The following SOX5 variants were observed in gnomAD, a reference collection of about 807,000 sequenced individuals.
SOX5 encodes transcription factor SOX-5.
In SOX5, 9 loss-of-function variants were observed where a neutral mutation model predicts 92.0. The observed-to-expected ratio is 0.10, with a 90% CI of 0.06 to 0.17. SOX5 has a LOEUF of 0.17. Ranked by LOEUF, SOX5 falls within the 10% of genes least tolerant of loss-of-function variation. The probability of loss-of-function intolerance (pLI) is 1.00; values close to 1 mark genes in which losing one functional copy is unlikely to be tolerated. For synonymous variants in SOX5, 344 were observed against 336.3 expected, an observed-to-expected ratio of 1.02 and a Z score of -0.25; for missense variants, 642 against 944.5, an observed-to-expected ratio of 0.68 and a Z score of 4.20.
At chr12:24,459,916 A>G (rs1943438600) in intron 1 of SOX5, among the ~76,000 whole-genome samples, 1 of 152,238 alleles carries the variant, frequency 6.6e-6, no homozygotes, top group Admixed American at 6.5e-5. Flanking sequence ...ACCTTACAAT[A>G]CTGTGGAGCT....
chr12:23,805,119 C>T (rs930560871), intron 3 of SOX5, among the ~76,000 whole-genome samples: 18 of 151,162 alleles, frequency 1.2e-4, no homozygotes, highest in African/African-American at 3.6e-4. Flanking sequence ...TCATTCATTA[C>T]ATCATAATTC....
intron 4 of SOX5, among the ~76,000 whole-genome samples, chr12:23,978,400 G>T (rs1281971250): frequency 6.6e-6 from 1 of 152,134 alleles, no homozygotes; most frequent in East Asian, 1.9e-4. Context: ...AAACTTTGGG[G>T]TTAATAATAG....
At chr12:24,469,481 C>A (rs1023034554) in intron 1 of SOX5, among the ~76,000 whole-genome samples, 6 of 152,176 alleles carry the variant, frequency 3.9e-5, no homozygotes, top group Non-Finnish European at 8.8e-5. Context: ...GGGTTTCTCT[C>A]CCTTTTGTAT....
intron 1 of SOX5, among the ~76,000 whole-genome samples, chr12:23,926,747 A>T (rs553115120): frequency 2.0e-5 from 3 of 152,208 alleles, no homozygotes; most frequent in Admixed American, 2.0e-4. Context: ...AACAAATAGT[A>T]TATGGCTAAG....
At chr12:23,890,043 G>A (rs1272221718) in intron 2 of SOX5, among the ~76,000 whole-genome samples, 2 of 152,150 alleles carry the variant, frequency 1.3e-5, no homozygotes, top group Non-Finnish European at 2.9e-5. Context: ...ATATTGGCTA[G>A]GCATGGTGGC....
chr12:23,689,499 T>A (rs2088331542), intron 6 of SOX5, among the ~76,000 whole-genome samples: 1 of 152,300 alleles, frequency 6.6e-6, no homozygotes, highest in Admixed American at 6.5e-5. Flanking sequence ...GCTTCTTCAA[T>A]TTACTTAAGT....
At chr12:24,399,547 AT>A (rs1454428866) in intron 1 of SOX5, among the ~76,000 whole-genome samples, 1 of 152,226 alleles carries the variant, frequency 6.6e-6, no homozygotes, top group African/African-American at 2.4e-5. Context: ...AAGCACAAAG[AT>A]CTTTCCATGT....
chr12:24,224,755 T>C (rs1961478605), intron 3 of SOX5, among the ~76,000 whole-genome samples: 1 of 152,198 alleles, frequency 6.6e-6, no homozygotes. Flanking sequence ...GGAACTGATG[T>C]TTCTACTTCA....
intron 3 of SOX5, among the ~76,000 whole-genome samples, chr12:23,763,869 TCATCCAAC>T (rs1271596166): frequency 6.6e-6 from 1 of 152,114 alleles, no homozygotes; most frequent in African/African-American, 2.4e-5. Context: ...CATGGCTAAC[TCATCCAAC>T]CCTCCTGACA....
At chr12:23,641,169 G>C (rs2080009154) in intron 7 of SOX5, among the ~76,000 whole-genome samples, 1 of 152,020 alleles carries the variant, frequency 6.6e-6, no homozygotes, top group African/African-American at 2.4e-5. Flanking sequence ...GCATTGATCA[G>C]AGGGCTGCAC....
intron 4 of SOX5, among the ~76,000 whole-genome samples, chr12:24,046,610 A>T (rs184516952): frequency 2.0e-5 from 3 of 152,254 alleles, no homozygotes; most frequent in Non-Finnish European, 1.5e-5. Flanking sequence ...TGAAAAAGTA[A>T]AACAAAAGAC....
At chr12:23,836,159 G>C (rs1055297958) in intron 3 of SOX5, among the ~76,000 whole-genome samples, 1 of 151,730 alleles carries the variant, frequency 6.6e-6, no homozygotes, top group African/African-American at 2.4e-5. Context: ...GAAATTATGT[G>C]TCACATAACG....
chr12:24,040,637 C>A (rs1316043480), intron 4 of SOX5, among the ~76,000 whole-genome samples: 1 of 152,174 alleles, frequency 6.6e-6, no homozygotes, highest in Non-Finnish European at 1.5e-5. Context: ...CTTTGGGAGG[C>A]CAAGGCAGGT....
intron 4 of SOX5, among the ~76,000 whole-genome samples, chr12:24,026,472 A>C (rs919955295): frequency 6.6e-6 from 1 of 151,644 alleles, no homozygotes; most frequent in African/African-American, 2.4e-5. Context: ...AATTGTGGTC[A>C]GGTGTGGTGG....
At chr12:24,016,249 A>C (rs1953585045) in intron 4 of SOX5, among the ~76,000 whole-genome samples, 1 of 152,154 alleles carries the variant, frequency 6.6e-6, no homozygotes. Context: ...AAATAATAAA[A>C]CAGAATCCAA....
At chr12:23,700,872 T>C (rs2090530360) in intron 6 of SOX5, among the ~76,000 whole-genome samples, 1 of 151,750 alleles carries the variant, frequency 6.6e-6, no homozygotes, top group African/African-American at 2.4e-5. Flanking sequence ...TGATAGCTAA[T>C]AAAAGTTCTA....
intron 2 of SOX5, among the ~76,000 whole-genome samples, chr12:24,337,668 A>G (rs959045388): frequency 1.3e-5 from 2 of 152,118 alleles, no homozygotes; most frequent in Non-Finnish European, 2.9e-5. Flanking sequence ...TGCCTCTTTT[A>G]AGTTCGGTAG....
intron 3 of SOX5, among the ~76,000 whole-genome samples, chr12:24,270,790 A>G (rs996537731): frequency 2.0e-5 from 3 of 152,218 alleles, no homozygotes; most frequent in African/African-American, 7.2e-5. Flanking sequence ...GTTGGCCTAG[A>G]ATCATCCTGT....
intron 1 of SOX5, among the ~76,000 whole-genome samples, chr12:24,419,707 A>G (rs1455885934): frequency 6.6e-6 from 1 of 152,230 alleles, no homozygotes; most frequent in Non-Finnish European, 1.5e-5. Flanking sequence ...ATAATTTTAA[A>G]TGTTTAACCA....
Sources: allele counts gnomAD v4.1 joint callset (sites outside exome capture counted in the v4.1 genomes callset), GRCh38; gene constraint gnomAD v4.1.1; transcripts MANE v1.5; gene names NCBI Gene and HGNC (gene_info 2026-07-23, HGNC 2026-07-21).